The following AGMO variants were observed in gnomAD, a reference collection of about 807,000 sequenced individuals.
AGMO encodes the protein glyceryl-ether monooxygenase.
AGMO carries 75 observed loss-of-function variants against 60.2 expected under a neutral mutation model. That is an observed-to-expected ratio of 1.25 (90% CI 1.03 to 1.51). AGMO has a LOEUF of 1.51. Ranked by LOEUF, AGMO falls within the 40% of genes most tolerant of loss-of-function variation. The pLI, the probability that AGMO is intolerant of heterozygous loss-of-function variation, is 0.00. For synonymous variants in AGMO, 261 were observed against 177.1 expected, an observed-to-expected ratio of 1.47 and a Z score of -3.76; for missense variants, 763 against 525.5, an observed-to-expected ratio of 1.45 and a Z score of -4.42.
At chr7:15,466,873 G>T (rs1782307827) in intron 3 of AGMO, among the ~76,000 whole-genome samples, 1 of 152,072 alleles carries the variant, frequency 6.6e-6, no homozygotes, top group South Asian at 2.1e-4. Flanking sequence ...TGTACTGTCT[G>T]TCTTCTACTA....
chr7:15,365,602 A>T lies in AGMO; in HGVS notation c.1175T>A (p.Met392Lys), dbSNP rs561269649. The change falls in exon 12 of 13, where the codon ATG becomes AAG. Residue 392 changes from methionine to lysine, a missense_variant. Coordinates refer to ENST00000342526, the MANE Select transcript of AGMO (RefSeq NM_001004320.2). Reference sequence around the variant, plus strand: ...GAACATCAAGCAACGGAGAGTTTCCATAATAGCTGCCTTGGGTCTGAAATA... The same window carrying T: ...GAACATCAAGCAACGGAGAGTTTCCTTAATAGCTGCCTTGGGTCTGAAATA... ...LLDQRPKAAI[M>K]ETLRCLMFLM... 1 of 1,612,538 alleles carries T rather than the reference A, an allele frequency of 6.2e-7. No homozygotes were observed. The highest frequency in any genetic ancestry group is 1.7e-5 in the Admixed American group (1 of 59,932).
At chr7:15,526,466 G>A (rs1199091272) in intron 3 of AGMO, among the ~76,000 whole-genome samples, 2 of 151,954 alleles carry the variant, frequency 1.3e-5, no homozygotes, top group African/African-American at 4.8e-5. Flanking sequence ...AAGATATCTC[G>A]CCTTTTCTGG....
chr7:15,443,288 C>T (rs1781611191), intron 3 of AGMO, among the ~76,000 whole-genome samples: 2 of 152,292 alleles, frequency 1.3e-5, no homozygotes, highest in South Asian at 4.1e-4. Context: ...AAGCTGTAAA[C>T]ATTCACCCCT....
chr7:15,427,958 T>A (rs1164380967), intron 4 of AGMO, among the ~76,000 whole-genome samples: 1 of 152,212 alleles, frequency 6.6e-6, no homozygotes. Flanking sequence ...GCTGTTCTAA[T>A]TTTCATAGTA....
chr7:15,520,212 C>A (rs1020756988), intron 3 of AGMO, among the ~76,000 whole-genome samples: 10 of 152,046 alleles, frequency 6.6e-5, no homozygotes, highest in African/African-American at 2.2e-4. Context: ...TGCTTAGAGA[C>A]CTACGAAGAG....
chr7:15,212,052 T>C (rs1427437510), intron 12 of AGMO, among the ~76,000 whole-genome samples: 1 of 151,926 alleles, frequency 6.6e-6, no homozygotes, highest in Non-Finnish European at 1.5e-5. Flanking sequence ...GAATTATTGT[T>C]CCATATCTTT....
intron 2 of AGMO, among the ~76,000 whole-genome samples, chr7:15,552,245 G>A (rs371028195): frequency 3.0e-4 from 45 of 152,092 alleles, no homozygotes; most frequent in African/African-American, 8.7e-4. Flanking sequence ...ATTACCATTC[G>A]GGACATAGGC....
chr7:15,185,825 A>G, the AGMO span, among the ~76,000 whole-genome samples: 6 of 152,198 alleles, frequency 3.9e-5, no homozygotes, highest in Non-Finnish European at 8.8e-5. Flanking sequence ...TGTATTTGAG[A>G]CTTATTAAAT....
chr7:15,398,058 G>C (rs1784459050), intron 5 of AGMO, among the ~76,000 whole-genome samples: 1 of 152,136 alleles, frequency 6.6e-6, no homozygotes, highest in African/African-American at 2.4e-5. Context: ...GAACCAGATG[G>C]GAAAGGAGAA....
At chr7:15,259,310 T>C (rs1783199220) in intron 12 of AGMO, among the ~76,000 whole-genome samples, 1 of 151,284 alleles carries the variant, frequency 6.6e-6, no homozygotes, top group Non-Finnish European at 1.5e-5. Flanking sequence ...GAAAGAACCA[T>C]AGAGCTTGAA....
chr7:15,148,177 T>G, the AGMO span, among the ~76,000 whole-genome samples: 2 of 152,198 alleles, frequency 1.3e-5, no homozygotes, highest in Non-Finnish European at 2.9e-5. Flanking sequence ...GGAATTATTC[T>G]CCTTCTGCCT....
At chr7:15,357,909 C>A (rs1181506079) in intron 12 of AGMO, among the ~76,000 whole-genome samples, 3 of 151,900 alleles carry the variant, frequency 2.0e-5, no homozygotes, top group Non-Finnish European at 4.4e-5. Flanking sequence ...CAGATAAATG[C>A]CAAGGAAGCC....
intron 12 of AGMO, among the ~76,000 whole-genome samples, chr7:15,217,630 G>A (rs955055845): frequency 1.1e-4 from 16 of 151,868 alleles, no homozygotes; most frequent in African/African-American, 3.9e-4. Flanking sequence ...ATAAGATATT[G>A]AAATTAAAAA....
chr7:15,118,001 C>T, the AGMO span, among the ~76,000 whole-genome samples: 10 of 151,990 alleles, frequency 6.6e-5, no homozygotes, highest in South Asian at 1.9e-3. Flanking sequence ...GAAATGAATG[C>T]TTTTTAAATA....
intron 3 of AGMO, among the ~76,000 whole-genome samples, chr7:15,513,293 T>C (rs1281264136): frequency 1.5e-5 from 1 of 66,666 alleles, no homozygotes; most frequent in Admixed American, 1.9e-4. Flanking sequence ...AGCACAACTT[T>C]AAACCACAAA....
At chr7:15,406,512 C>T (rs376862331) in intron 5 of AGMO, among the ~76,000 whole-genome samples, 11 of 107,692 alleles carry the variant, frequency 1.0e-4, no homozygotes, top group East Asian at 5.9e-4. Context: ...TTAGTGACAA[C>T]GGTGCCAGTT....
At chr7:15,443,625 C>T (rs766545150) in intron 3 of AGMO, among the ~76,000 whole-genome samples, 5 of 152,130 alleles carry the variant, frequency 3.3e-5, no homozygotes, top group Admixed American at 1.3e-4. Flanking sequence ...TGTATATGAG[C>T]TGTGCTGTCC....
the AGMO span, among the ~76,000 whole-genome samples, chr7:15,125,136 T>C: frequency 6.6e-6 from 1 of 152,194 alleles, no homozygotes. Flanking sequence ...GATACCTGTA[T>C]GTGCAAGCTC....
intron 12 of AGMO, among the ~76,000 whole-genome samples, chr7:15,235,261 T>A (rs553690102): frequency 1.4e-4 from 21 of 152,250 alleles, no homozygotes; most frequent in East Asian, 1.3e-3. Context: ...GTACACACAC[T>A]GTCTTCCCCA....
Sources: gnomAD v4.1 joint callset for allele counts (sites outside exome capture counted in the v4.1 genomes callset) on GRCh38, gnomAD v4.1.1 for gene constraint, MANE v1.5 for transcripts, NCBI Gene and HGNC (gene_info 2026-07-23, HGNC 2026-07-21) for gene names.